The following EGFR variants were observed in gnomAD, a reference collection of about 807,000 sequenced individuals.
EGFR encodes avian erythroblastic leukemia viral (v-erb-b) oncogene homolog.
EGFR carries 58 observed loss-of-function variants against 143.0 expected under a neutral mutation model. The ratio of observed to expected loss-of-function variants is 0.41; its 90% CI spans 0.33 to 0.50. The LOEUF (loss-of-function observed/expected upper bound fraction) is 0.50, where lower values mean the gene tolerates loss of function less well. Ranked by LOEUF, EGFR falls within the 20% of genes least tolerant of loss-of-function variation. The pLI is 0.39. For missense variants in EGFR, 1,307 were observed against 1,579.0 expected, an observed-to-expected ratio of 0.83 and a Z score of 2.92; for synonymous variants, 613 against 594.4, an observed-to-expected ratio of 1.03 and a Z score of -0.45.
chr7:55,174,652 A>G (rs1786509828), intron 18 of EGFR, 70 bp from the exon 19 acceptor site: 1 of 1,311,312 alleles, frequency 7.6e-7, no homozygotes, highest in Non-Finnish European at 1.1e-6. Context: ...ACATCCACCC[A>G]GATCACTGGG....
chr7:55,203,638 T>TAC (rs753309143), intron 27 of EGFR, among the ~76,000 whole-genome samples: 6 of 93,710 alleles, frequency 6.4e-5, no homozygotes, highest in African/African-American at 1.3e-4. Context: ...ACACCACACA[T>TAC]ACACACACAC....
At chr7:55,091,414 A>G (rs1791102007) in intron 1 of EGFR, among the ~76,000 whole-genome samples, 1 of 152,206 alleles carries the variant, frequency 6.6e-6, no homozygotes, top group South Asian at 2.1e-4. Context: ...GTAACCAGCC[A>G]GGGAATGAGA....
intron 22 of EGFR, 92 bp from the exon 23 acceptor site, chr7:55,198,625 A>C (rs1787719473): frequency 1.3e-6 from 2 of 1,589,608 alleles, no homozygotes; most frequent in African/African-American, 2.7e-5. Context: ...CTAAACATCA[A>C]GAAACAGTAA....
rs181825045 is a variant in EGFR at position 55,063,669 on chromosome 7, G to A, written c.88+44304G>A. Among the ~76,000 whole-genome samples the A allele has an allele frequency of 5.3e-5, 8 of 152,270 alleles. No homozygotes were observed. The East Asian group carries it at 7.7e-4, about 15-fold the overall frequency. On this transcript the variant is annotated intron_variant, in intron 1 of 27. Transcript: ENST00000275493. ...CATCAGCCAGACTAACACAAAGGACGTCATGGGCATGGACGTAAATACTGG... is the reference window on the plus strand; with the variant it reads ...CATCAGCCAGACTAACACAAAGGACATCATGGGCATGGACGTAAATACTGG...
At chr7:55,141,944 C>A (rs6964705) in intron 1 of EGFR, among the ~76,000 whole-genome samples, 62,999 of 152,096 alleles carry the variant, frequency 0.41, 14,016 homozygotes, top group East Asian at 0.68. Flanking sequence ...ACCACCCACC[C>A]CTTTAAATTT....
intron 1 of EGFR, among the ~76,000 whole-genome samples, chr7:55,122,968 G>A (rs189650993): frequency 2.6e-5 from 4 of 152,352 alleles, no homozygotes; most frequent in Admixed American, 1.3e-4. Context: ...TTAATTAATG[G>A]TTCACACTAG....
chr7:55,179,938 A>G (rs1260706353), intron 19 of EGFR: 2 of 152,232 alleles, frequency 1.3e-5, no homozygotes, highest in Non-Finnish European at 2.9e-5. Context: ...GGGCTTGAGC[A>G]TCCTCACATT....
intron 16 of EGFR, chr7:55,172,721 A>C: frequency 1.3e-6 from 1 of 785,504 alleles, no homozygotes; most frequent in Non-Finnish European, 2.0e-6. Flanking sequence ...AATACTCATT[A>C]TATGGAGAGG....
At chr7:55,121,365 G>A (rs983766612) in intron 1 of EGFR, among the ~76,000 whole-genome samples, 2 of 152,192 alleles carry the variant, frequency 1.3e-5, no homozygotes, top group Admixed American at 6.5e-5. Context: ...TGGGAGCCCC[G>A]TGCCTCTGGC....
Position 55,153,672 on chromosome 7 carries a change from C to T in EGFR, c.748-339C>T, listed in dbSNP as rs149496788. On this transcript the variant is annotated intron_variant, in intron 6 of 27. Transcript: ENST00000275493. ...GTACTTTATAAGGGAAGCCCAATGT[C>T]CTTTATAAGGGAAATTAAACATAAT... 2.6e-5 allele frequency among the ~76,000 whole-genome samples: 4 copies of T among 152,234 alleles called. No individual in the cohort carries two copies. The East Asian group carries it at 7.7e-4, about 29-fold the overall frequency.
chr7:55,083,672 C>T (rs1028284443), intron 1 of EGFR, among the ~76,000 whole-genome samples: 7 of 152,062 alleles, frequency 4.6e-5, no homozygotes, highest in Admixed American at 3.3e-4. Flanking sequence ...CTGAAGAAAG[C>T]GAATCTTTTT....
chr7:55,142,777 A>G (rs1794534529), intron 2 of EGFR, among the ~76,000 whole-genome samples: 1 of 152,148 alleles, frequency 6.6e-6, no homozygotes, highest in African/African-American at 2.4e-5. Context: ...CTATTCCCTT[A>G]GTGTAAATAC....
At chr7:55,139,633 A>G (rs573586002) in intron 1 of EGFR, among the ~76,000 whole-genome samples, 1 of 152,352 alleles carries the variant, frequency 6.6e-6, no homozygotes, top group Non-Finnish European at 1.5e-5. Context: ...ATCAAATAGC[A>G]TATCAACTGC....
intron 1 of EGFR, among the ~76,000 whole-genome samples, chr7:55,063,673 T>C (rs1352066336): frequency 2.0e-5 from 3 of 152,144 alleles, no homozygotes; most frequent in Admixed American, 1.3e-4. Context: ...AAGGACGTCA[T>C]GGGCATGGAC....
intron 1 of EGFR, among the ~76,000 whole-genome samples, chr7:55,103,026 A>G (rs1039126649): frequency 1.3e-5 from 2 of 152,336 alleles, no homozygotes; most frequent in Middle Eastern, 3.4e-3. Flanking sequence ...CTTCCTTTGA[A>G]GAAGTTTGGG....
At chr7:55,204,710 AC>A (rs1205406737) in intron 27 of EGFR, among the ~76,000 whole-genome samples, 1 of 146,466 alleles carries the variant, frequency 6.8e-6, no homozygotes, top group Admixed American at 6.8e-5. Flanking sequence ...TAGACACACC[AC>A]ATACACACCC....
intron 1 of EGFR, among the ~76,000 whole-genome samples, chr7:55,136,646 T>C (rs905438056): frequency 6.6e-6 from 1 of 152,236 alleles, no homozygotes; most frequent in Non-Finnish European, 1.5e-5. Context: ...GACTTTACGA[T>C]GGTGTGAAAG....
At chr7:55,169,120 A>T (rs559000484) in intron 15 of EGFR, among the ~76,000 whole-genome samples, 2 of 149,370 alleles carry the variant, frequency 1.3e-5, no homozygotes, top group East Asian at 2.0e-4. Flanking sequence ...TTTTTTGTCG[A>T]GACGGAGTCT....
chr7:55,113,172 C>A (rs539469774), intron 1 of EGFR, among the ~76,000 whole-genome samples: 1 of 152,294 alleles, frequency 6.6e-6, no homozygotes, highest in South Asian at 2.1e-4. Context: ...TGTTCCTTAA[C>A]CTTCTGTTAA....
Sources: allele counts gnomAD v4.1 joint callset (sites outside exome capture counted in the v4.1 genomes callset), GRCh38; gene constraint gnomAD v4.1.1; transcripts MANE v1.5; gene names NCBI Gene and HGNC (gene_info 2026-07-23, HGNC 2026-07-21).